The following SHTN1 variants were observed in gnomAD, a reference collection of about 807,000 sequenced individuals.
The protein encoded by SHTN1 is shootin 1.
A neutral mutation model predicts 83.1 loss-of-function variants in SHTN1; 42 were observed. That is an observed-to-expected ratio of 0.51 (90% CI 0.39 to 0.65). SHTN1 has a LOEUF of 0.65. Ranked by LOEUF, SHTN1 falls within the 30% of genes least tolerant of loss-of-function variation. The pLI, the probability that SHTN1 is intolerant of heterozygous loss-of-function variation, is 0.00. For missense variants in SHTN1, 622 were observed against 737.8 expected (o/e 0.84, Z 1.82); for synonymous variants, 224 against 247.7 (o/e 0.90, Z 0.90).
In SHTN1 at chr10:116,881,646, G is replaced by C; in HGVS notation, c.*4698C>G. 2 of 1,546,780 alleles carry C rather than the reference G, an allele frequency of 1.3e-6. No homozygotes were observed. The highest frequency in any genetic ancestry group is 1.7e-6 in the Non-Finnish European group (2 of 1,145,302). ...CACACAAGGTGTAGAGGAATCAGCC[G>C]AAACAGGAGCATCCTCTGGATAGGG... is the stretch of plus-strand genomic sequence containing the variant. On this transcript the variant is annotated 3_prime_UTR_variant, in exon 17 of 17. Coordinates refer to ENST00000355371, the MANE Select transcript of SHTN1 (RefSeq NM_001127211.3).
intron 2 of SHTN1, among the ~76,000 whole-genome samples, chr10:117,019,792 A>C (rs1208766438): frequency 6.6e-6 from 1 of 150,486 alleles, no homozygotes; most frequent in Non-Finnish European, 1.5e-5. Flanking sequence ...ATGCCACTGC[A>C]CTCCACAGTG....
chr10:116,985,863 G>A (rs376116090), intron 1 of SHTN1, among the ~76,000 whole-genome samples: 7 of 152,136 alleles, frequency 4.6e-5, no homozygotes, highest in East Asian at 1.9e-4. Context: ...CCAATGGGTC[G>A]TCCTCTTATA....
chr10:116,979,689 T>C (rs1850944992), intron 1 of SHTN1, among the ~76,000 whole-genome samples: 1 of 152,196 alleles, frequency 6.6e-6, no homozygotes, highest in East Asian at 1.9e-4. Flanking sequence ...CCAGGAGAGG[T>C]GACAGATGAC....
intron 9 of SHTN1, among the ~76,000 whole-genome samples, chr10:116,935,147 AC>A (rs1374244124): frequency 1.2e-4 from 19 of 152,224 alleles, no homozygotes; most frequent in African/African-American, 3.6e-4. Context: ...CTGTGTGAAT[AC>A]CCTTTATTTC....
intron 1 of SHTN1, among the ~76,000 whole-genome samples, chr10:117,084,117 C>T (rs1425748330): frequency 5.3e-5 from 8 of 152,136 alleles, no homozygotes; most frequent in Non-Finnish European, 7.4e-5. Flanking sequence ...GGAGGAGAGG[C>T]GCTCTTATTT....
chr10:116,960,225 G>A lies in SHTN1; in HGVS notation c.178C>T (p.His60Tyr). ...AAATTAACTTCCTCTATGACCATGT[G>A]AGAAACTAGGAATGAGGGGGAAAAA... ...KKLEEFQKIS[H>Y]MVIEEVNFMQ... Residue 60 changes from histidine (H) to tyrosine (Y), a missense_variant, in exon 4 of 17, where the codon CAC becomes TAC. Around this residue, in one of 3 missense-constraint regions of SHTN1, gnomAD observed 383 missense variants for 455.8 expected, o/e 0.84. Coordinates refer to ENST00000355371, the MANE Select transcript of SHTN1 (RefSeq NM_001127211.3). The A allele has an allele frequency of 1.3e-6, 2 of 1,576,826 alleles. No individual in the cohort carries two copies. The highest frequency in any genetic ancestry group is 1.7e-6 in the Non-Finnish European group (2 of 1,147,318).
At chr10:117,004,041 C>T (rs965866632) in intron 1 of SHTN1, among the ~76,000 whole-genome samples, 1 of 152,084 alleles carries the variant, frequency 6.6e-6, no homozygotes, top group Admixed American at 6.5e-5. Flanking sequence ...GCATGCACCA[C>T]CACGCCCGGC....
intron 1 of SHTN1, among the ~76,000 whole-genome samples, chr10:117,107,721 C>A (rs1006551910): frequency 5.3e-5 from 8 of 152,176 alleles, no homozygotes; most frequent in African/African-American, 1.9e-4. Context: ...ACTAACCAAA[C>A]AACAAACAGG....
intron 15 of SHTN1, among the ~76,000 whole-genome samples, chr10:116,905,216 A>T (rs939031041): frequency 1.3e-4 from 19 of 151,890 alleles, no homozygotes; most frequent in Non-Finnish European, 2.9e-5. Context: ...CTCAAAAAAA[A>T]AAAAAAAAAA....
intron 2 of SHTN1, among the ~76,000 whole-genome samples, chr10:117,036,550 C>T (rs1157304565): frequency 6.6e-6 from 1 of 152,208 alleles, no homozygotes; most frequent in Admixed American, 6.5e-5. Flanking sequence ...ACAAACATCA[C>T]ATGCTCTCAC....
At chr10:116,902,530 C>T (rs546676014) in intron 15 of SHTN1, among the ~76,000 whole-genome samples, 2 of 152,206 alleles carry the variant, frequency 1.3e-5, no homozygotes, top group African/African-American at 4.8e-5. Flanking sequence ...GGCTATTTAC[C>T]TTTTGGACTT....
At chr10:116,896,551 G>A (rs1396478375) in intron 16 of SHTN1, among the ~76,000 whole-genome samples, 2 of 152,092 alleles carry the variant, frequency 1.3e-5, no homozygotes, top group South Asian at 2.1e-4. Context: ...CAATGGTGGC[G>A]AACTGATAGC....
chr10:116,994,428 C>CT (rs1564920770), intron 1 of SHTN1, among the ~76,000 whole-genome samples: 2 of 151,810 alleles, frequency 1.3e-5, no homozygotes, highest in South Asian at 4.1e-4. Flanking sequence ...AAAATTTGGT[C>CT]TTTTTTAAAA....
chr10:117,063,943 A>G (rs1197492437), intron 1 of SHTN1, among the ~76,000 whole-genome samples: 1 of 152,166 alleles, frequency 6.6e-6, no homozygotes, highest in Non-Finnish European at 1.5e-5. Context: ...GCTATAATAT[A>G]CTTTTCACCA....
At chr10:116,904,614 A>G (rs1847887275) in intron 15 of SHTN1, among the ~76,000 whole-genome samples, 1 of 152,198 alleles carries the variant, frequency 6.6e-6, no homozygotes, top group Non-Finnish European at 1.5e-5. Context: ...GCCCTAAAAT[A>G]ATACAAATAT....
In SHTN1 at chr10:116,906,662, C is replaced by T. The variant is rs764643872; in HGVS notation, c.1445G>A (p.Arg482His). The change falls in exon 15 of 17, where the codon CGT becomes CAT. Residue 482 changes from arginine to histidine, a missense_variant. By Grantham distance (29) the Arg-to-His change is conservative. Coordinates refer to ENST00000355371, the MANE Select transcript of SHTN1 (RefSeq NM_001127211.3). ...NSETELERIL[R>H]RRKVTAEADS... ...TGCTTCTGCTGTCACCTTTCTGCGA[C>T]GCAAAATCCTTTCTAACTCAGTTTC... The T allele has an allele frequency of 2.4e-5, 38 of 1,613,370 alleles. No homozygotes were observed. Among genetic ancestry groups the T allele is most frequent in the Admixed American group, 2.2e-4 (13 of 59,958 alleles).
At chr10:117,039,336 G>A (rs1188971711) in intron 2 of SHTN1, among the ~76,000 whole-genome samples, 1 of 152,160 alleles carries the variant, frequency 6.6e-6, no homozygotes, top group Non-Finnish European at 1.5e-5. Flanking sequence ...GGTGGTGAGG[G>A]ATGAATAGGC....
At chr10:117,024,244 G>C (rs1195955031) in intron 2 of SHTN1, among the ~76,000 whole-genome samples, 1 of 151,952 alleles carries the variant, frequency 6.6e-6, no homozygotes, top group Admixed American at 6.6e-5. Flanking sequence ...ACTGGGTCAG[G>C]GATTGACTGA....
At chr10:116,954,515 G>A (rs1434203623) in intron 4 of SHTN1, among the ~76,000 whole-genome samples, 1 of 152,174 alleles carries the variant, frequency 6.6e-6, no homozygotes, top group Non-Finnish European at 1.5e-5. Context: ...GTCATTAATA[G>A]TCTTAAAAAA....
Sources: allele counts gnomAD v4.1 joint callset (sites outside exome capture counted in the v4.1 genomes callset), GRCh38; gene constraint gnomAD v4.1.1; regional missense constraint gnomAD v4.1.1; transcripts MANE v1.5; gene names NCBI Gene and HGNC (gene_info 2026-07-23, HGNC 2026-07-21).